Variants in AP2A2 observed in about 807,000 individuals in gnomAD.
The protein encoded by AP2A2 is AP-2 complex subunit alpha-2.
In AP2A2, 32 loss-of-function variants were observed where a neutral mutation model predicts 104.2. The observed-to-expected ratio is 0.31, with a 90% confidence interval of 0.23 to 0.41. The LOEUF (loss-of-function observed/expected upper bound fraction) is 0.41. Among genes scored for constraint, AP2A2 ranks in the 10% least tolerant of loss-of-function variants. AP2A2 has a pLI of 1.00. For missense variants in AP2A2, 912 were observed against 1,261.0 expected (o/e 0.72, Z 4.19); for synonymous variants, 539 against 533.3 (o/e 1.01, Z -0.15).
chr11:991,706 G>A (rs1169889588), intron 10 of AP2A2, among the ~76,000 whole-genome samples: 1 of 151,744 alleles, frequency 6.6e-6, no homozygotes, highest in African/African-American at 2.4e-5. Context: ...AGGGACTTGG[G>A]GTGGGGGGGC....
At chr11:955,887 G>A (rs1854217830) in intron 1 of AP2A2, among the ~76,000 whole-genome samples, 1 of 152,226 alleles carries the variant, frequency 6.6e-6, no homozygotes, top group African/African-American at 2.4e-5. Context: ...TGAGCTCTTT[G>A]TCCTCTGATC....
At position 927,261 on chromosome 11, in the gene AP2A2, C is replaced by A. The variant is rs368993274; in HGVS notation, c.67+1173C>A. On this transcript the variant is annotated intron_variant, in intron 1 of 21. Transcript: ENST00000448903. The stretch of plus-strand genomic sequence containing the variant: ...GTTTTTTGTAGAGATGGGGGGGTCT[C>A]GCCATGTTGCCTAGGCTGGTCTCGA... Among the ~76,000 whole-genome samples the A allele has an allele frequency of 3.0e-4, 46 of 151,764 alleles. No homozygotes were observed. In the East Asian group the frequency reaches 3.9e-3, roughly 13 times the overall value.
intron 1 of AP2A2, among the ~76,000 whole-genome samples, chr11:934,033 T>C (rs2134457754): frequency 6.6e-6 from 1 of 151,824 alleles, no homozygotes; most frequent in South Asian, 2.1e-4. Context: ...GCTCCGGGAT[T>C]TTAGGAGGAG....
chr11:951,544 G>A (rs893283594), intron 1 of AP2A2, among the ~76,000 whole-genome samples: 9 of 152,012 alleles, frequency 5.9e-5, no homozygotes, highest in African/African-American at 1.4e-4. Context: ...AAAAAAGAAC[G>A]TGTGAGTTTA....
At chr11:975,406 G>T (rs879132707) in intron 4 of AP2A2, among the ~76,000 whole-genome samples, 1 of 150,088 alleles carries the variant, frequency 6.7e-6, no homozygotes, top group African/African-American at 2.5e-5. Context: ...TAGCAGTGGG[G>T]TCCTCGGTCT....
chr11:960,092 A>G (rs945611928), intron 2 of AP2A2, among the ~76,000 whole-genome samples: 1 of 152,176 alleles, frequency 6.6e-6, no homozygotes, highest in African/African-American at 2.4e-5. Context: ...GGTGTAGCTG[A>G]AATTGCCCAG....
In AP2A2 at chr11:968,088, G is replaced by A. The variant is rs1297750408; in HGVS notation, c.137-2081G>A. ...TGGGTGAGGGTGTGGAGCGAGCATT[G>A]CTGCTTGTTTCCTGTGGCCCTGGGT... On this transcript the variant is annotated intron_variant, in intron 2 of 21. Coordinates refer to ENST00000448903, the MANE Select transcript of AP2A2 (RefSeq NM_012305.4). The surrounding 1 kb of genome is among the most constrained non-coding windows in gnomAD (Gnocchi z 4.2). 6.6e-6 allele frequency among the ~76,000 whole-genome samples: 1 copy of A among 152,006 alleles called. No homozygotes were observed. The highest frequency in any genetic ancestry group is 1.5e-5 in the Non-Finnish European group (1 of 67,990).
chr11:967,306 G>A (rs575663512), intron 2 of AP2A2, among the ~76,000 whole-genome samples: 2 of 152,256 alleles, frequency 1.3e-5, no homozygotes, highest in African/African-American at 2.4e-5. Flanking sequence ...GTGACCTTAC[G>A]TTGCCTCAGA....
rs1022086751 is a variant in AP2A2, at chr11:1,008,056, G to C, written c.2341G>C (p.Gly781Arg). The C allele has an allele frequency of 1.3e-6, 2 of 1,581,174 alleles. No homozygotes were observed. Among genetic ancestry groups the C allele is most frequent in the Non-Finnish European group, 1.7e-6 (2 of 1,164,368 alleles). Reference sequence around the variant, plus strand: ...GCCCGTGGACCCGACCGTGGAGGGGGGCGCGCAGGTGCAGCAGGTGGTCAA... The same window carrying C: ...GCCCGTGGACCCGACCGTGGAGGGGCGCGCGCAGGTGCAGCAGGTGGTCAA... ...TKPVDPTVEG[G>R]AQVQQVVNIE... Residue 781 changes from glycine (G) to arginine (R), a missense_variant, in exon 18 of 22, where the codon GGC (glycine) becomes CGC (arginine). By Grantham distance (125) the Gly-to-Arg change is moderately radical (BLOSUM62 -2). Coordinates refer to ENST00000448903, the MANE Select transcript of AP2A2 (RefSeq NM_012305.4).
At chr11:988,360 C>CAGCAGGCGGAACTCTATTCCGGGCT (rs1855532732) in intron 9 of AP2A2, among the ~76,000 whole-genome samples, 192 bp from the exon 10 acceptor site, 1 of 152,230 alleles carries the variant, frequency 6.6e-6, no homozygotes, top group Non-Finnish European at 1.5e-5. Context: ...AGGGCCGGGC[C>CAGCAGGCGGAACTCTATTCCGGGCT]AGCAGGCGGA....
intron 18 of AP2A2, chr11:1,008,511 G>T (rs552091605): frequency 1.3e-4 from 31 of 235,544 alleles, no homozygotes; most frequent in Non-Finnish European, 1.9e-4. Flanking sequence ...CCTGGCCTGG[G>T]GGGCGCGTTT....
In AP2A2 at chr11:972,157, C is replaced by T. The variant is rs1282055092; in HGVS notation, c.375C>T (p.Pro125=). ...AIKNDLASRN[P]TFMGLALHCI... ...AGAATGACCTGGCCAGCCGCAACCC[C>T]ACCTTCATGGGCCTGGCCCTGCACT... The change falls in exon 4 of 22, where the codon CCC becomes CCT. Residue 125 remains proline, a synonymous_variant. Transcript: ENST00000448903. 2 of 1,613,500 alleles carry T rather than the reference C, an allele frequency of 1.2e-6. No homozygotes were observed. Among genetic ancestry groups the T allele is most frequent in the Middle Eastern group, 1.6e-4 (1 of 6,062 alleles).
intron 2 of AP2A2, among the ~76,000 whole-genome samples, chr11:965,478 T>G (rs1171205687): frequency 1.3e-5 from 2 of 152,234 alleles, no homozygotes; most frequent in African/African-American, 4.8e-5. Context: ...ATGAGGGTTG[T>G]TAGGTGTGAC....
At chr11:932,995 C>T (rs1000256878) in intron 1 of AP2A2, among the ~76,000 whole-genome samples, 4 of 152,168 alleles carry the variant, frequency 2.6e-5, no homozygotes, top group Non-Finnish European at 2.9e-5. Context: ...ATACGCCGGG[C>T]GCTGCGGTTC....
At chr11:959,139 A>T (rs1854338954) in intron 1 of AP2A2, among the ~76,000 whole-genome samples, 1 of 152,228 alleles carries the variant, frequency 6.6e-6, no homozygotes. Context: ...TAGAGTTAGA[A>T]ATGGTGCTGT....
At chr11:1,005,730 G>T (rs1353507819) in intron 16 of AP2A2, among the ~76,000 whole-genome samples, 1 of 152,234 alleles carries the variant, frequency 6.6e-6, no homozygotes, top group African/African-American at 2.4e-5. Context: ...AGGGTTGTCA[G>T]AGTGATTCCT....
chr11:1,009,878 C>G, intron 21 of AP2A2, 61 bp downstream of exon 21: 1 of 1,512,336 alleles, frequency 6.6e-7, no homozygotes, highest in South Asian at 1.2e-5. Context: ...GCACAATGTA[C>G]GTGGTGAGAT....
Position 1,009,226 on chromosome 11 carries a change from C to T in AP2A2, c.2537+10C>T. ...GGAAGCAGTTGAGCAAGTGAGAAAC[C>T]TGTTTCCTGTAGGGGTCAGGGGTGG... On this transcript the variant is annotated intron_variant, in intron 19 of 21. Transcript: ENST00000448903. The T allele has an allele frequency of 1.9e-6, 3 of 1,612,750 alleles. No homozygotes were observed. Among genetic ancestry groups the T allele is most frequent in the Non-Finnish European group, 2.5e-6 (3 of 1,178,952 alleles).
chr11:975,389 T>C (rs1327171823), intron 4 of AP2A2, among the ~76,000 whole-genome samples: 3 of 88,316 alleles, frequency 3.4e-5, no homozygotes, highest in African/African-American at 4.2e-5. Flanking sequence ...GAGCCGACAT[T>C]AGTGAGTAGC....
Sources: gnomAD v4.1 joint callset for allele counts (sites outside exome capture counted in the v4.1 genomes callset) on GRCh38, gnomAD v4.1.1 for gene constraint, Gnocchi (gnomAD v3.1) non-coding constraint, MANE v1.5 for transcripts, NCBI Gene and HGNC (gene_info 2026-07-23, HGNC 2026-07-21) for gene names.